The following TBXAS1 variants were observed in gnomAD, a reference collection of about 807,000 sequenced individuals.
The protein encoded by TBXAS1 is thromboxane-A synthase.
A neutral mutation model predicts 60.7 loss-of-function variants in TBXAS1; 48 were observed. The ratio of observed to expected loss-of-function variants is 0.79; its 90% CI spans 0.63 to 1.01. TBXAS1 has a LOEUF of 1.01. Ranked by LOEUF, TBXAS1 falls within the 50% of genes least tolerant of loss-of-function variation. The probability of loss-of-function intolerance (pLI) is 0.00; values close to 1 mark genes in which losing one functional copy is unlikely to be tolerated. For missense variants in TBXAS1, 685 were observed against 686.3 expected, an observed-to-expected ratio of 1.00 and a Z score of 0.02; for synonymous variants, 287 against 269.7, an observed-to-expected ratio of 1.06 and a Z score of -0.63.
intron 3 of TBXAS1, among the ~76,000 whole-genome samples, chr7:139,899,507 C>T (rs1046094045): frequency 2.0e-5 from 3 of 152,198 alleles, no homozygotes; most frequent in African/African-American, 4.8e-5. Flanking sequence ...ACAAGTCAAA[C>T]AAGTGGTTAT....
At chr7:139,966,924 G>A (rs965474094) in intron 9 of TBXAS1, among the ~76,000 whole-genome samples, 3 of 151,812 alleles carry the variant, frequency 2.0e-5, no homozygotes, top group Admixed American at 6.6e-5. Flanking sequence ...GCCTGTGAAC[G>A]GATCCCCAAA....
intron 5 of TBXAS1, among the ~76,000 whole-genome samples, chr7:139,951,329 A>G (rs1031432800): frequency 6.6e-6 from 1 of 152,012 alleles, no homozygotes; most frequent in African/African-American, 2.4e-5. Flanking sequence ...GAAGTGATTC[A>G]TTTACCATAC....
intron 2 of TBXAS1, among the ~76,000 whole-genome samples, chr7:139,873,522 T>C (rs770554509): frequency 9.2e-5 from 14 of 152,144 alleles, no homozygotes; most frequent in Admixed American, 2.0e-4. Flanking sequence ...GACAAATTAG[T>C]GTAGAGAATT....
intron 3 of TBXAS1, among the ~76,000 whole-genome samples, chr7:139,786,427 G>A (rs532271778): frequency 2.0e-4 from 30 of 152,184 alleles, no homozygotes; most frequent in Non-Finnish European, 4.1e-4. Context: ...ATGCAAGGAA[G>A]AATTTAGTTT....
At position 140,020,133 on chromosome 7, in the gene TBXAS1, C is replaced by A; in HGVS notation, c.*34C>A. 1 of 1,605,836 alleles carries A rather than the reference C, an allele frequency of 6.2e-7. No individual in the cohort carries two copies. The highest frequency in any genetic ancestry group is 8.5e-7 in the Non-Finnish European group (1 of 1,172,736). On this transcript the variant is annotated 3_prime_UTR_variant, in exon 13 of 13. Coordinates refer to ENST00000448866, the MANE Select transcript of TBXAS1 (RefSeq NM_001061.7). ...GCTGCCGGGTGGGGGGAGGGCACCCCCAAATTCAAAGAAAACCCTAAGTGT... is the reference window on the plus strand; with the variant it reads ...GCTGCCGGGTGGGGGGAGGGCACCCACAAATTCAAAGAAAACCCTAAGTGT...
chr7:139,815,279 C>T (rs1798117488), intron 4 of TBXAS1, among the ~76,000 whole-genome samples: 1 of 152,172 alleles, frequency 6.6e-6, no homozygotes, highest in African/African-American at 2.4e-5. Context: ...GGGTGCTCTG[C>T]AAAGCAGCCA....
chr7:139,891,057 C>A lies in TBXAS1; in HGVS notation c.236+15420C>A, dbSNP rs187811815. On this transcript the variant is annotated intron_variant, in intron 3 of 12. Transcript: ENST00000448866. The stretch of plus-strand genomic sequence containing the variant: ...CAGCACAGAGTTCCCATTGAGTCTG[C>A]TGCTTCCCATGGCTGCCTGACATGC... 3.0e-4 allele frequency among the ~76,000 whole-genome samples: 45 copies of A among 152,128 alleles called. 1 individual carries two copies. The East Asian group carries it at 6.6e-3, about 22-fold the overall frequency.
rs1350378604 is a variant in TBXAS1, at chr7:139,964,316, C to A, written c.1134+2083C>A. ...GTCAGGCTGGTCTCGAACTCCCAAC[C>A]TCAGGTGATCCGCCTGCCTCGGCCT... On this transcript the variant is annotated intron_variant, in intron 9 of 12. Transcript: ENST00000448866. Among the ~76,000 whole-genome samples, 3 of 152,180 alleles carry A rather than the reference C, an allele frequency of 2.0e-5. No homozygotes were observed. The East Asian group carries it at 5.8e-4, about 29-fold the overall frequency.
intron 1 of TBXAS1, among the ~76,000 whole-genome samples, chr7:139,842,204 G>T (rs181642980): frequency 6.6e-6 from 1 of 152,058 alleles, no homozygotes; most frequent in Non-Finnish European, 1.5e-5. Context: ...ACCTTCTCTC[G>T]TCTAGTAAGG....
intron 9 of TBXAS1, among the ~76,000 whole-genome samples, chr7:139,967,862 A>T (rs1569520732): frequency 1.3e-5 from 2 of 152,130 alleles, no homozygotes; most frequent in Non-Finnish European, 2.9e-5. Context: ...CTGTTATGTG[A>T]TCATGTTCAC....
At chr7:139,827,840 G>A (rs1438711335), upstream of TBXAS1, among the ~76,000 whole-genome samples, 1 of 152,212 alleles carries the variant, frequency 6.6e-6, no homozygotes, top group African/African-American at 2.4e-5. Flanking sequence ...GTTTTCTGCT[G>A]AGAAATCTGC....
At chr7:139,909,437 T>A (rs1219479428) in intron 3 of TBXAS1, among the ~76,000 whole-genome samples, 1 of 152,226 alleles carries the variant, frequency 6.6e-6, no homozygotes, top group East Asian at 1.9e-4. Context: ...TATGGCCTTA[T>A]TGAGTTGTTT....
intron 4 of TBXAS1, among the ~76,000 whole-genome samples, chr7:139,805,503 A>G (rs967034331): frequency 1.8e-4 from 27 of 152,222 alleles, no homozygotes; most frequent in Middle Eastern, 6.8e-3. Flanking sequence ...TCATCCCATG[A>G]CACACAACTC....
At chr7:139,887,416 C>T (rs904483230) in intron 3 of TBXAS1, among the ~76,000 whole-genome samples, 7 of 152,110 alleles carry the variant, frequency 4.6e-5, no homozygotes, top group Non-Finnish European at 1.0e-4. Context: ...CCTCATTAAA[C>T]ATTAACTCTC....
chr7:139,955,529 G>C lies in TBXAS1; in HGVS notation c.610G>C (p.Ala204Pro), dbSNP rs1218879248. ...AFGTPVDSWQ[A>P]PEDPFVKHCK... ...TGGCACCCCGGTGGACTCCTGGCAG[G>C]CCCCTGAGGATCCCTTTGTGAAACA... The change falls in exon 7 of 13, where the codon GCC (alanine) becomes CCC (proline). Residue 204 changes from alanine to proline, a missense_variant. Ala to Pro is a conservative substitution (Grantham distance 27, BLOSUM62 -1). Transcript: ENST00000448866. 6.2e-7 allele frequency: 1 copy of C among 1,614,106 alleles called. No individual in the cohort carries two copies. Among genetic ancestry groups the C allele is most frequent in the African/African-American group, 1.3e-5 (1 of 74,934 alleles).
chr7:139,907,202 A>T (rs959148407), intron 3 of TBXAS1, among the ~76,000 whole-genome samples: 3 of 151,322 alleles, frequency 2.0e-5, no homozygotes, highest in African/African-American at 7.3e-5. Context: ...AAGTTGAGGA[A>T]CTCCTCTCTA....
intron 5 of TBXAS1, among the ~76,000 whole-genome samples, chr7:139,948,254 C>T (rs1808904586): frequency 6.6e-6 from 1 of 152,140 alleles, no homozygotes. Context: ...TGGGTAGCCG[C>T]CATCTTGCTC....
chr7:139,806,091 C>T lies in TBXAS1; in HGVS notation c.-80+18665C>T, dbSNP rs183155031. ...CTGGGACTACAGGCGCCCGCCACCA[C>T]GCCTGGCTAATTTTTTTTTGTATTT... On this transcript the variant is annotated intron_variant, in intron 4 of 16. Coordinates refer to the TBXAS1 transcript ENST00000336425. Among the ~76,000 whole-genome samples, 303 of 150,714 alleles carry T rather than the reference C, an allele frequency of 2.0e-3. 1 individual carries two copies. Among genetic ancestry groups the T allele is most frequent in the African/African-American group, 6.9e-3 (284 of 41,058 alleles).
chr7:139,789,212 A>C (rs1797298335), intron 4 of TBXAS1: 2 of 142,404 alleles, frequency 1.4e-5, no homozygotes, highest in African/African-American at 5.1e-5. Flanking sequence ...AATATGTTTA[A>C]TCTCTCTCTC....
Sources: allele counts gnomAD v4.1 joint callset (sites outside exome capture counted in the v4.1 genomes callset), GRCh38; gene constraint gnomAD v4.1.1; transcripts MANE v1.5; gene names NCBI Gene and HGNC (gene_info 2026-07-23, HGNC 2026-07-21).